SORCS3: variants seen among roughly 807,000 people sequenced by gnomAD.
SORCS3 encodes the protein sortilin related VPS10 domain containing receptor 3.
In SORCS3, 57 loss-of-function variants were observed where a neutral mutation model predicts 146.3. That is an observed-to-expected ratio of 0.39 (90% CI 0.31 to 0.49). The LOEUF (loss-of-function observed/expected upper bound fraction) is 0.49, where lower values mean the gene tolerates loss of function less well. Among genes scored for constraint, SORCS3 ranks in the 20% least tolerant of loss-of-function variants. The pLI is 0.92. For synonymous variants in SORCS3, 653 were observed against 618.5 expected (o/e 1.06, Z -0.83); for missense variants, 1,341 against 1,575.5 (o/e 0.85, Z 2.52).
chr10:104,800,499 G>A (rs959789859), intron 1 of SORCS3, among the ~76,000 whole-genome samples: 1 of 152,170 alleles, frequency 6.6e-6, no homozygotes, highest in Admixed American at 6.6e-5. Flanking sequence ...ATGTGTCAGT[G>A]TAGGTTCATT....
chr10:105,068,879 CT>C (rs1328562228), intron 5 of SORCS3, among the ~76,000 whole-genome samples: 1 of 152,104 alleles, frequency 6.6e-6, no homozygotes, highest in Non-Finnish European at 1.5e-5. Flanking sequence ...AGTAAGATGC[CT>C]TTATAGATCA....
intron 13 of SORCS3, among the ~76,000 whole-genome samples, chr10:105,174,581 A>G (rs2056384644): frequency 6.6e-6 from 1 of 152,074 alleles, no homozygotes; most frequent in East Asian, 1.9e-4. Flanking sequence ...CCTCAGTGTG[A>G]GAATAAAGTG....
At chr10:105,084,320 T>A (rs1296556490) in intron 5 of SORCS3, among the ~76,000 whole-genome samples, 3 of 152,214 alleles carry the variant, frequency 2.0e-5, no homozygotes, top group African/African-American at 7.2e-5. Context: ...ACAGGAATGG[T>A]CTCAATACCC....
At chr10:105,093,662 A>G (rs952539947) in intron 6 of SORCS3, among the ~76,000 whole-genome samples, 2 of 152,182 alleles carry the variant, frequency 1.3e-5, no homozygotes, top group African/African-American at 4.8e-5. Flanking sequence ...CATTAGGGAA[A>G]TGCAAATTAA....
chr10:104,994,469 G>A (rs368859439), intron 4 of SORCS3, among the ~76,000 whole-genome samples: 3 of 152,060 alleles, frequency 2.0e-5, no homozygotes, highest in Non-Finnish European at 2.9e-5. Context: ...CTCAGTAACC[G>A]CACAAATTAA....
chr10:104,939,726 T>C (rs1457227474), intron 3 of SORCS3, among the ~76,000 whole-genome samples: 1 of 152,148 alleles, frequency 6.6e-6, no homozygotes, highest in African/African-American at 2.4e-5. Context: ...CTGGTCCAAA[T>C]AGCCCAAGGG....
chr10:104,943,901 A>G (rs1024465440), intron 3 of SORCS3, among the ~76,000 whole-genome samples: 3 of 152,144 alleles, frequency 2.0e-5, no homozygotes, highest in Admixed American at 6.6e-5. Flanking sequence ...GTAGATCCAT[A>G]TATATACAGT....
chr10:104,855,420 C>T (rs996591498), intron 2 of SORCS3, among the ~76,000 whole-genome samples: 7 of 152,134 alleles, frequency 4.6e-5, no homozygotes, highest in Non-Finnish European at 5.9e-5. Context: ...GGACTACTGA[C>T]ATCTTTAGTA....
intron 1 of SORCS3, among the ~76,000 whole-genome samples, chr10:104,645,750 C>T (rs1468200175): frequency 6.6e-6 from 1 of 152,190 alleles, no homozygotes; most frequent in Admixed American, 6.5e-5. Flanking sequence ...GGATTTCCTA[C>T]CCTTAACTAA....
chr10:105,059,893 C>T (rs1368324678), intron 5 of SORCS3, among the ~76,000 whole-genome samples: 1 of 152,206 alleles, frequency 6.6e-6, no homozygotes. Flanking sequence ...TTGAGCCCAG[C>T]CTAGAAAAGC....
intron 1 of SORCS3, among the ~76,000 whole-genome samples, chr10:104,725,959 G>A (rs1055188948): frequency 6.6e-6 from 1 of 152,194 alleles, no homozygotes. Context: ...TTCGGCTTAT[G>A]CTCAGTGCGC....
chr10:104,949,362 T>C (rs1450117515), intron 3 of SORCS3, among the ~76,000 whole-genome samples: 1 of 151,704 alleles, frequency 6.6e-6, no homozygotes, highest in Admixed American at 6.5e-5. Context: ...GCAGTCAGGC[T>C]TTCAGTTTAA....
chr10:105,161,384 G>C (rs2056261338), intron 11 of SORCS3, among the ~76,000 whole-genome samples: 1 of 152,098 alleles, frequency 6.6e-6, no homozygotes, highest in Non-Finnish European at 1.5e-5. Flanking sequence ...GCCCCTGCAG[G>C]GTCCTTTCCC....
chr10:105,016,155 A>ATATTTTTTTTT (rs71482443), intron 4 of SORCS3, among the ~76,000 whole-genome samples: 1 of 101,344 alleles, frequency 9.9e-6, no homozygotes, highest in Non-Finnish European at 1.9e-5. Flanking sequence ...ATATATATAT[A>ATATTTTTTTTT]TTTTTTTTTT....
chr10:104,808,608 G>A (rs1294714849), intron 1 of SORCS3, among the ~76,000 whole-genome samples: 1 of 152,170 alleles, frequency 6.6e-6, no homozygotes, highest in East Asian at 1.9e-4. Flanking sequence ...ATTGAGTAAA[G>A]GCAATTTGCA....
chr10:104,648,288 G>A (rs1355089158), intron 1 of SORCS3, among the ~76,000 whole-genome samples: 2 of 152,182 alleles, frequency 1.3e-5, no homozygotes, highest in African/African-American at 4.8e-5. Context: ...CAGAAACATG[G>A]CAGCCTGCCT....
chr10:105,262,430 A>C lies in SORCS3; in HGVS notation c.3543A>C (p.Thr1181=), dbSNP rs764835508. Residue 1181 remains threonine (T), a synonymous_variant, in exon 26 of 27, where the codon ACA becomes ACC. Transcript: ENST00000369701. ...VSQSENAPKI[T]LSDFTEPEEL... is the part of the protein sequence containing the mutation. ...AAAGTGAAAACGCCCCCAAAATCAC[A>C]CTCAGTGACTTTACGGAGCCTGAGG... is the stretch of plus-strand genomic sequence containing the variant. The C allele has an allele frequency of 6.2e-7, 1 of 1,614,056 alleles. No individual in the cohort carries two copies. Among genetic ancestry groups the C allele is most frequent in the South Asian group, 1.1e-5 (1 of 91,074 alleles).
intron 1 of SORCS3, among the ~76,000 whole-genome samples, chr10:104,782,060 G>A (rs189280608): frequency 4.6e-5 from 7 of 152,368 alleles, no homozygotes; most frequent in African/African-American, 1.7e-4. Flanking sequence ...ACTCACAAAT[G>A]TGCTTGGGCT....
chr10:105,136,368 T>C (rs2056059009), intron 7 of SORCS3, among the ~76,000 whole-genome samples: 1 of 152,178 alleles, frequency 6.6e-6, no homozygotes, highest in Non-Finnish European at 1.5e-5. Flanking sequence ...CCCTTCATGA[T>C]GGCATAGTCC....
Sources: allele counts gnomAD v4.1 joint callset (sites outside exome capture counted in the v4.1 genomes callset), GRCh38; gene constraint gnomAD v4.1.1; transcripts MANE v1.5; gene names NCBI Gene and HGNC (gene_info 2026-07-23, HGNC 2026-07-21).